CAMK1D: variants seen among roughly 807,000 people sequenced by gnomAD.
CAMK1D encodes the protein calcium/calmodulin dependent protein kinase ID.
CAMK1D carries 9 observed loss-of-function variants against 47.7 expected under a neutral mutation model. The ratio of observed to expected loss-of-function variants is 0.19; its 90% CI spans 0.11 to 0.33. CAMK1D has a LOEUF of 0.33. Among genes scored for constraint, CAMK1D ranks in the 10% least tolerant of loss-of-function variants. CAMK1D has a pLI of 1.00. For synonymous variants in CAMK1D, 184 were observed against 184.9 expected, an observed-to-expected ratio of 0.99 and a Z score of 0.04; for missense variants, 291 against 488.7, an observed-to-expected ratio of 0.60 and a Z score of 3.81.
chr10:12,434,841 T>C lies in CAMK1D; in HGVS notation c.92+84931T>C, dbSNP rs73587078. 8.3e-3 allele frequency among the ~76,000 whole-genome samples: 1,260 copies of C among 152,202 alleles called. 17 individuals carry two copies. The highest frequency in any genetic ancestry group is 0.029 in the African/African-American group (1,198 of 41,528). Reference sequence around the variant, plus strand: ...ACTTGAAGGATGTGGGAATCATCCGTCTAGAAAAGGCTGGCCCTTGGGCAT... The same window carrying C: ...ACTTGAAGGATGTGGGAATCATCCGCCTAGAAAAGGCTGGCCCTTGGGCAT... On this transcript the variant is annotated intron_variant, in intron 1 of 10. Coordinates refer to ENST00000619168, the MANE Select transcript of CAMK1D (RefSeq NM_153498.4).
intron 1 of CAMK1D, among the ~76,000 whole-genome samples, chr10:12,386,429 G>A (rs1030864929): frequency 1.4e-5 from 2 of 147,796 alleles, no homozygotes; most frequent in African/African-American, 2.5e-5. Context: ...GCCACAAACT[G>A]ACAAACTCTG....
rs890477054 is a variant in CAMK1D, at chr10:12,428,279, A to G, written c.92+78369A>G. ...TACAGGAAAGAGTTGGGTTGTGTCC[A>G]TCCTGCCTAGAATCCCTGCTGGCTT... is the stretch of plus-strand genomic sequence containing the variant. On this transcript the variant is annotated intron_variant, in intron 1 of 10. Coordinates refer to ENST00000619168, the MANE Select transcript of CAMK1D (RefSeq NM_153498.4). 2.0e-5 allele frequency among the ~76,000 whole-genome samples: 3 copies of G among 152,152 alleles called. No individual in the cohort carries two copies. In the South Asian group the frequency reaches 6.2e-4, roughly 32 times the overall value.
At chr10:12,699,868 T>G (rs1833443153) in intron 3 of CAMK1D, among the ~76,000 whole-genome samples, 1 of 152,186 alleles carries the variant, frequency 6.6e-6, no homozygotes, top group South Asian at 2.1e-4. Context: ...TTGTTCTTGC[T>G]TCAATTTTAG....
At chr10:12,571,769 A>G (rs751069844) in intron 2 of CAMK1D, among the ~76,000 whole-genome samples, 2 of 152,068 alleles carry the variant, frequency 1.3e-5, no homozygotes, top group African/African-American at 4.8e-5. Flanking sequence ...CTGAGCTCCA[A>G]ATGGGTTTCT....
At chr10:12,423,111 A>G (rs1488420285) in intron 1 of CAMK1D, among the ~76,000 whole-genome samples, 1 of 152,170 alleles carries the variant, frequency 6.6e-6, no homozygotes, top group Non-Finnish European at 1.5e-5. Flanking sequence ...AGGAGGGAAG[A>G]AGGGATGTTG....
intron 3 of CAMK1D, among the ~76,000 whole-genome samples, chr10:12,690,738 G>T (rs1285178885): frequency 2.6e-5 from 4 of 152,180 alleles, no homozygotes; most frequent in African/African-American, 4.8e-5. Flanking sequence ...GTTGTTGCAG[G>T]ACTGCGTGGT....
intron 2 of CAMK1D, among the ~76,000 whole-genome samples, chr10:12,580,384 G>C (rs1016231833): frequency 2.9e-5 from 4 of 137,294 alleles, no homozygotes; most frequent in African/African-American, 1.2e-4. Flanking sequence ...GGAGACTGGA[G>C]CCTGCTGTTT....
rs543283827 is a variant in CAMK1D at position 12,619,666 on chromosome 10, T to C, written c.225-47070T>C. 1.5e-4 allele frequency among the ~76,000 whole-genome samples: 23 copies of C among 152,184 alleles called. 1 individual carries two copies. Among genetic ancestry groups the C allele is most frequent in the South Asian group, 1.0e-3 (5 of 4,822 alleles). ...AGATAGTTGTAGATTCACATACAAT[T>C]ATAAGAAATAATATACAGTGAGATC... On this transcript the variant is annotated intron_variant, in intron 2 of 10. Coordinates refer to ENST00000619168, the MANE Select transcript of CAMK1D (RefSeq NM_153498.4).
chr10:12,741,495 T>A (rs988181318), intron 3 of CAMK1D, among the ~76,000 whole-genome samples: 10 of 152,212 alleles, frequency 6.6e-5, no homozygotes, highest in African/African-American at 1.7e-4. Context: ...CAACAAATTT[T>A]GTATTGGCTA....
chr10:12,816,246 A>G lies in CAMK1D; in HGVS notation c.755-4A>G. On this transcript the variant is annotated splice_region_variant and splice_polypyrimidine_tract_variant and intron_variant, in intron 7 of 10. Transcript: ENST00000619168. ...TCCTTCCCTTGTGCCTTCTTTTTGAACAGCAAAAGACTTCATTCGGAACCT... is the reference window on the plus strand; with the variant it reads ...TCCTTCCCTTGTGCCTTCTTTTTGAGCAGCAAAAGACTTCATTCGGAACCT... 2 of 1,612,966 alleles carry G rather than the reference A, an allele frequency of 1.2e-6. No homozygotes were observed. The highest frequency in any genetic ancestry group is 1.7e-6 in the Non-Finnish European group (2 of 1,179,494).
intron 3 of CAMK1D, among the ~76,000 whole-genome samples, chr10:12,682,219 C>G (rs936734657): frequency 7.2e-5 from 9 of 125,386 alleles, no homozygotes; most frequent in Non-Finnish European, 1.6e-4. Flanking sequence ...GACTCCATCT[C>G]AAAAACAAAA....
intron 2 of CAMK1D, among the ~76,000 whole-genome samples, chr10:12,660,511 C>T (rs1050556053): frequency 6.6e-6 from 1 of 152,130 alleles, no homozygotes; most frequent in East Asian, 1.9e-4. Flanking sequence ...GTTTTCTTGG[C>T]TTTTTCTGGA....
At chr10:12,480,039 G>C (rs904564550) in intron 1 of CAMK1D, among the ~76,000 whole-genome samples, 5 of 152,198 alleles carry the variant, frequency 3.3e-5, no homozygotes, top group Admixed American at 6.5e-5. Flanking sequence ...CAGTGACCTT[G>C]TCTTCTGCTT....
intron 1 of CAMK1D, among the ~76,000 whole-genome samples, chr10:12,478,717 G>A (rs1410195858): frequency 6.6e-6 from 1 of 152,060 alleles, no homozygotes; most frequent in African/African-American, 2.4e-5. Flanking sequence ...CTGGACTGGC[G>A]ACCCCAAATC....
chr10:12,793,826 A>T (rs997885322), intron 6 of CAMK1D, among the ~76,000 whole-genome samples: 1 of 152,230 alleles, frequency 6.6e-6, no homozygotes, highest in Admixed American at 6.5e-5. Context: ...TGTTGGCAGT[A>T]GGCAACTAAC....
intron 1 of CAMK1D, among the ~76,000 whole-genome samples, chr10:12,408,375 A>T (rs766526535): frequency 6.7e-6 from 1 of 148,376 alleles, no homozygotes; most frequent in Admixed American, 6.8e-5. Context: ...CATTTTCACC[A>T]TGTTAGCCAG....
intron 1 of CAMK1D, among the ~76,000 whole-genome samples, chr10:12,473,367 G>A (rs1472069513): frequency 6.6e-6 from 1 of 152,048 alleles, no homozygotes; most frequent in Non-Finnish European, 1.5e-5. Flanking sequence ...TTGGGAGGTG[G>A]AAGTTGCAGT....
At chr10:12,524,086 G>T (rs990245005) in intron 1 of CAMK1D, among the ~76,000 whole-genome samples, 44 of 151,782 alleles carry the variant, frequency 2.9e-4, no homozygotes, top group Middle Eastern at 6.8e-3. Context: ...TAGAGACAGG[G>T]TTTCACGTTG....
chr10:12,379,116 G>C (rs1160526367), intron 1 of CAMK1D, among the ~76,000 whole-genome samples: 1 of 152,078 alleles, frequency 6.6e-6, no homozygotes, highest in African/African-American at 2.4e-5. Flanking sequence ...GACCAAGCAT[G>C]CATTTCTTTT....
Sources: gnomAD v4.1 joint callset for allele counts (sites outside exome capture counted in the v4.1 genomes callset) on GRCh38, gnomAD v4.1.1 for gene constraint, MANE v1.5 for transcripts, NCBI Gene and HGNC (gene_info 2026-07-23, HGNC 2026-07-21) for gene names.